CTNNA1: variants seen among roughly 807,000 people sequenced by gnomAD.
The protein encoded by CTNNA1 is catenin alpha-1.
CTNNA1 carries 37 observed loss-of-function variants against 98.4 expected under a neutral mutation model. The ratio of observed to expected loss-of-function variants is 0.38; its 90% CI spans 0.29 to 0.49. The LOEUF (loss-of-function observed/expected upper bound fraction) is 0.49. Among genes scored for constraint, CTNNA1 ranks in the 20% least tolerant of loss-of-function variants. The probability of loss-of-function intolerance (pLI) is 0.95; values close to 1 mark genes in which losing one functional copy is unlikely to be tolerated. For missense variants in CTNNA1, 761 were observed against 1,147.2 expected, an observed-to-expected ratio of 0.66 and a Z score of 4.86; for synonymous variants, 404 against 413.2, an observed-to-expected ratio of 0.98 and a Z score of 0.27.
chr5:138,855,412 T>A (rs1476219458), intron 7 of CTNNA1, among the ~76,000 whole-genome samples: 1 of 150,430 alleles, frequency 6.6e-6, no homozygotes, highest in African/African-American at 2.4e-5. Context: ...TTAATATAAT[T>A]GTGGATGCAG....
At chr5:138,859,343 A>T (rs1471133232) in intron 7 of CTNNA1, among the ~76,000 whole-genome samples, 4 of 151,356 alleles carry the variant, frequency 2.6e-5, no homozygotes, top group Non-Finnish European at 4.4e-5. Context: ...GGAGGAAAGG[A>T]TGGTTCTGTG....
chr5:138,929,435 C>T (rs28363484), intron 14 of CTNNA1, 79 bp downstream of exon 14: 11 of 734,140 alleles, frequency 1.5e-5, no homozygotes, highest in African/African-American at 3.5e-5. Flanking sequence ...AGGAAAACAC[C>T]CTCAGTATTC....
chr5:138,810,314 T>C, intron 4 of CTNNA1, 110 bp downstream of exon 4: 1 of 1,172,448 alleles, frequency 8.5e-7, no homozygotes. Context: ...ATTTGGTTTA[T>C]CTCAATGGAC....
At chr5:138,766,917 G>A (rs1417037512) in intron 1 of CTNNA1, among the ~76,000 whole-genome samples, 2 of 152,132 alleles carry the variant, frequency 1.3e-5, no homozygotes, top group East Asian at 1.9e-4. Flanking sequence ...GAGGGAAGGG[G>A]TTGTTTCAGT....
intron 10 of CTNNA1, among the ~76,000 whole-genome samples, chr5:138,907,592 G>A (rs1759550214): frequency 6.6e-6 from 1 of 152,136 alleles, no homozygotes; most frequent in Non-Finnish European, 1.5e-5. Context: ...CAAGCACCAC[G>A]GATCCTGATT....
At chr5:138,830,956 T>A (rs1282222162) in intron 7 of CTNNA1, among the ~76,000 whole-genome samples, 1 of 152,142 alleles carries the variant, frequency 6.6e-6, no homozygotes, top group African/African-American at 2.4e-5. Context: ...ATCTTGATTT[T>A]AAAAAAATGG....
At chr5:138,834,672 T>C (rs949069687) in intron 7 of CTNNA1, among the ~76,000 whole-genome samples, 10 of 152,132 alleles carry the variant, frequency 6.6e-5, no homozygotes, top group African/African-American at 1.7e-4. Context: ...CCCCCAGAAC[T>C]AAAATAAATA....
chr5:138,832,225 A>G (rs1761341396), intron 7 of CTNNA1, among the ~76,000 whole-genome samples: 1 of 152,190 alleles, frequency 6.6e-6, no homozygotes, highest in Non-Finnish European at 1.5e-5. Flanking sequence ...GTTGGTAGGT[A>G]GTCTTGGCTC....
chr5:138,921,468 T>C (rs1159411255), intron 11 of CTNNA1, among the ~76,000 whole-genome samples: 1 of 152,266 alleles, frequency 6.6e-6, no homozygotes, highest in Non-Finnish European at 1.5e-5. Context: ...GAATTTGGTC[T>C]GATTGGGAGG....
At chr5:138,925,173 T>C (rs543987475) in intron 12 of CTNNA1, 83 bp from the exon 13 acceptor site, 2 of 1,474,360 alleles carry the variant, frequency 1.4e-6, no homozygotes, top group East Asian at 4.6e-5. Context: ...CACCTCTTTC[T>C]GTCTAGCTGA....
At chr5:138,834,397 A>G (rs573507498) in intron 7 of CTNNA1, among the ~76,000 whole-genome samples, 1 of 152,276 alleles carries the variant, frequency 6.6e-6, no homozygotes, top group South Asian at 2.1e-4. Context: ...CTTTTTAAAA[A>G]TGTTGTTAGT....
At chr5:138,756,401 A>G (rs1751652484) in intron 1 of CTNNA1, among the ~76,000 whole-genome samples, 1 of 151,974 alleles carries the variant, frequency 6.6e-6, no homozygotes, top group African/African-American at 2.4e-5. Flanking sequence ...TCCTGACCTC[A>G]GGTGATCCAC....
At chr5:138,866,926 C>CA (rs1481424928) in intron 7 of CTNNA1, among the ~76,000 whole-genome samples, 1 of 152,160 alleles carries the variant, frequency 6.6e-6, no homozygotes, top group Non-Finnish European at 1.5e-5. Flanking sequence ...CTAAGGGAGA[C>CA]ATGACTACCC....
At chr5:138,855,684 C>A (rs546940247) in intron 7 of CTNNA1, among the ~76,000 whole-genome samples, 23 of 152,066 alleles carry the variant, frequency 1.5e-4, no homozygotes, top group African/African-American at 5.3e-4. Context: ...TCACTGTAAG[C>A]GTGTGTCTTT....
In CTNNA1 at chr5:138,924,639, A is replaced by T; in HGVS notation, c.1676A>T (p.Glu559Val). ...CGGGTCATTCACGTAGTCACCTCAG[A>T]GATGGACAACTATGAGCCAGGAGTC... ...AARVIHVVTS[E>V]MDNYEPGVYT... is the part of the protein sequence containing the mutation. Residue 559 changes from glutamate (E) to valine (V), a missense_variant, in exon 12 of 18, where the codon GAG (glutamate) becomes GTG (valine). By Grantham distance (121) the Glu-to-Val change is moderately radical. This residue lies in a region of CTNNA1 where 287 missense variants were observed against 436.0 expected (regional missense o/e 0.66). Coordinates refer to ENST00000302763, the MANE Select transcript of CTNNA1 (RefSeq NM_001903.5). 2 of 1,611,882 alleles carry T rather than the reference A, an allele frequency of 1.2e-6. No homozygotes were observed. Among genetic ancestry groups the T allele is most frequent in the Non-Finnish European group, 1.7e-6 (2 of 1,179,162 alleles).
At chr5:138,782,694 C>T (rs1400026009) in intron 2 of CTNNA1, among the ~76,000 whole-genome samples, 1 of 152,220 alleles carries the variant, frequency 6.6e-6, no homozygotes, top group Non-Finnish European at 1.5e-5. Flanking sequence ...TTTGGGCAAT[C>T]ATTCGTTTAT....
intron 5 of CTNNA1, among the ~76,000 whole-genome samples, chr5:138,823,219 A>C (rs1760215741): frequency 6.6e-6 from 1 of 152,164 alleles, no homozygotes; most frequent in Admixed American, 6.5e-5. Flanking sequence ...GGATACCAGA[A>C]ATACCCGCTT....
intron 7 of CTNNA1, among the ~76,000 whole-genome samples, chr5:138,833,602 T>C (rs1457051168): frequency 6.6e-6 from 1 of 152,234 alleles, no homozygotes; most frequent in African/African-American, 2.4e-5. Context: ...AAAAATTATA[T>C]GGGTGGTTTA....
chr5:138,809,069 C>G (rs1758405352), intron 3 of CTNNA1, among the ~76,000 whole-genome samples: 1 of 152,204 alleles, frequency 6.6e-6, no homozygotes, highest in African/African-American at 2.4e-5. Flanking sequence ...ACTGCAACCT[C>G]AAACACATGG....
Sources: gnomAD v4.1 joint callset for allele counts (sites outside exome capture counted in the v4.1 genomes callset) on GRCh38, gnomAD v4.1.1 for gene constraint, gnomAD v4.1.1 regional missense constraint, MANE v1.5 for transcripts, NCBI Gene and HGNC (gene_info 2026-07-23, HGNC 2026-07-21) for gene names.